ZNF804A: variants seen among roughly 807,000 people sequenced by gnomAD.
The protein encoded by ZNF804A is zinc finger protein 804A.
Under a neutral mutation model 16.5 loss-of-function variants are expected in ZNF804A, and 2 were observed. The ratio of observed to expected loss-of-function variants is 0.12; its 90% CI spans 0.05 to 0.38. The LOEUF (loss-of-function observed/expected upper bound fraction) is 0.38. Among genes scored for constraint, ZNF804A ranks in the 10% least tolerant of loss-of-function variants. The probability of loss-of-function intolerance (pLI) is 0.99; values close to 1 mark genes in which losing one functional copy is unlikely to be tolerated. For synonymous variants in ZNF804A, 534 were observed against 489.6 expected, an observed-to-expected ratio of 1.09 and a Z score of -1.20; for missense variants, 1,473 against 1,390.7, an observed-to-expected ratio of 1.06 and a Z score of -0.94.
At position 184,727,325 on chromosome 2, in the gene ZNF804A, T is replaced by C. The variant is rs372315996; in HGVS notation, c.111+128255T>C. Among the ~76,000 whole-genome samples, 75 of 151,748 alleles carry C rather than the reference T, an allele frequency of 4.9e-4. No homozygotes were observed. In the South Asian group the frequency reaches 7.9e-3, roughly 16 times the overall value. Reference sequence around the variant, plus strand: ...TAGTGGAAGCAATATGAAAGAATTGTCTGAGTACTAAAATTTAATCAAAGC... The same window carrying C: ...TAGTGGAAGCAATATGAAAGAATTGCCTGAGTACTAAAATTTAATCAAAGC... On this transcript the variant is annotated intron_variant, in intron 1 of 3. Coordinates refer to ENST00000302277, the MANE Select transcript of ZNF804A (RefSeq NM_194250.2).
At chr2:184,620,561 T>C (rs1691401566) in intron 1 of ZNF804A, among the ~76,000 whole-genome samples, 1 of 151,806 alleles carries the variant, frequency 6.6e-6, no homozygotes, top group Non-Finnish European at 1.5e-5. Context: ...CAGGATATGA[T>C]GATTCTCCCT....
In ZNF804A at chr2:184,936,325, C is replaced by A. The variant is rs1438894921; in HGVS notation, c.929C>A (p.Ser310Ter). 1.2e-6 allele frequency: 2 copies of A among 1,613,588 alleles called. No homozygotes were observed. The highest frequency in any genetic ancestry group is 1.7e-6 in the Non-Finnish European group (2 of 1,179,820). ...SSEKDALLLP[S>*]FCKFQLQLSS... ...GAAAAAGATGCATTATTATTACCTT[C>A]ATTTTGCAAGTTTCAACTTCAGTTA... Residue 310 changes from serine (S) to a stop codon, truncating the protein, a stop_gained, in exon 4 of 4, where the codon TCA becomes TAA. Transcript: ENST00000302277. LOFTEE classifies it low-confidence loss of function (END_TRUNC).
chr2:184,667,473 T>G (rs1012622797), intron 1 of ZNF804A, among the ~76,000 whole-genome samples: 1 of 151,882 alleles, frequency 6.6e-6, no homozygotes, highest in Non-Finnish European at 1.5e-5. Context: ...CTGGTATATT[T>G]CATCTGAAAT....
rs533873418 is a variant in ZNF804A at position 184,609,396 on chromosome 2, C to T, written c.111+10326C>T. The stretch of plus-strand genomic sequence containing the variant: ...CTGTTGAAGTGTTTTGACAGAGAGG[C>T]GTGATTACTGCTAGTGCACAGACTT... On this transcript the variant is annotated intron_variant, in intron 1 of 3. Coordinates refer to ENST00000302277, the MANE Select transcript of ZNF804A (RefSeq NM_194250.2). 1.3e-4 allele frequency among the ~76,000 whole-genome samples: 20 copies of T among 152,264 alleles called. No homozygotes were observed. The East Asian group carries it at 3.3e-3, about 25-fold the overall frequency.
Position 184,937,637 on chromosome 2 carries a change from C to T in ZNF804A, c.2241C>T (p.His747=). 6.2e-7 allele frequency: 1 copy of T among 1,613,872 alleles called. No homozygotes were observed. The highest frequency in any genetic ancestry group is 8.5e-7 in the Non-Finnish European group (1 of 1,179,942). ...TAGTTCTTCAAAATGATATGAAACA[C>T]ATGAGTCAGAATCAGGCTGTTAAAA... ...RSLVLQNDMK[H]MSQNQAVKRG... Residue 747 remains histidine (H), a synonymous_variant, in exon 4 of 4, where the codon CAC becomes CAT. Coordinates refer to ENST00000302277, the MANE Select transcript of ZNF804A (RefSeq NM_194250.2).
intron 2 of ZNF804A, chr2:184,902,372 C>T (rs1685201168): frequency 1.3e-5 from 2 of 154,312 alleles, no homozygotes; most frequent in Non-Finnish European, 2.9e-5. Flanking sequence ...ACTGGTTTCT[C>T]CTGGTGCTCT....
intron 2 of ZNF804A, among the ~76,000 whole-genome samples, chr2:184,915,690 G>A (rs1047145851): frequency 8.5e-5 from 13 of 152,060 alleles, no homozygotes; most frequent in African/African-American, 3.1e-4. Context: ...TTTTATATTA[G>A]AACTAGAATG....
rs192501888 is a variant in ZNF804A, at chr2:184,614,846, A to G, written c.111+15776A>G. On this transcript the variant is annotated intron_variant, in intron 1 of 3. Transcript: ENST00000302277. Reference sequence around the variant, plus strand: ...CAAAACCACAATGAGATACCATCTCATGCTAGTTAGAATGGCAATCATTAA... The same window carrying G: ...CAAAACCACAATGAGATACCATCTCGTGCTAGTTAGAATGGCAATCATTAA... Among the ~76,000 whole-genome samples the G allele has an allele frequency of 7.9e-5, 12 of 152,346 alleles. No individual in the cohort carries two copies. The East Asian group carries it at 2.1e-3, about 27-fold the overall frequency.
intron 1 of ZNF804A, among the ~76,000 whole-genome samples, chr2:184,863,688 C>G (rs1031723649): frequency 5.9e-5 from 9 of 152,092 alleles, no homozygotes; most frequent in African/African-American, 2.2e-4. Context: ...TTAAGATTGT[C>G]CAGAGAGCTA....
At chr2:184,858,573 C>G (rs955573700) in intron 1 of ZNF804A, among the ~76,000 whole-genome samples, 1 of 151,054 alleles carries the variant, frequency 6.6e-6, no homozygotes, top group Admixed American at 6.6e-5. Context: ...TTTCATTCCA[C>G]TCCATCTTGA....
chr2:184,634,594 G>A (rs753866675), intron 1 of ZNF804A, among the ~76,000 whole-genome samples: 1 of 152,034 alleles, frequency 6.6e-6, no homozygotes, highest in Non-Finnish European at 1.5e-5. Context: ...GGGAGAGAGA[G>A]ATTTGAAGAT....
At chr2:184,887,796 C>T (rs144991342) in intron 2 of ZNF804A, among the ~76,000 whole-genome samples, 1 of 152,240 alleles carries the variant, frequency 6.6e-6, no homozygotes, top group East Asian at 1.9e-4. Flanking sequence ...CTGGGAGATA[C>T]AATTCAAGTT....
chr2:184,599,037 G>T lies in ZNF804A; in HGVS notation c.78G>T (p.Arg26=). The T allele has an allele frequency of 6.2e-7, 1 of 1,614,028 alleles. No homozygotes were observed. The highest frequency in any genetic ancestry group is 1.1e-5 in the South Asian group (1 of 91,086). The change falls in exon 1 of 4, where the codon CGG becomes CGT. Residue 26 remains arginine, a synonymous_variant. Coordinates refer to ENST00000302277, the MANE Select transcript of ZNF804A (RefSeq NM_194250.2). ...GHFRNIKGVF[R]GPLSKNGNKT... The stretch of plus-strand genomic sequence containing the variant: ...TTCGCAACATCAAGGGAGTTTTCCG[G>T]GGCCCTCTCAGCAAGAACGGGAACA...
chr2:184,708,969 T>G (rs191861735), intron 1 of ZNF804A, among the ~76,000 whole-genome samples: 1 of 152,246 alleles, frequency 6.6e-6, no homozygotes, highest in Non-Finnish European at 1.5e-5. Context: ...TCCACGTGGC[T>G]GCTCTGTTCT....
intron 1 of ZNF804A, among the ~76,000 whole-genome samples, chr2:184,780,827 C>G (rs1458780635): frequency 2.0e-5 from 3 of 151,704 alleles, no homozygotes; most frequent in Non-Finnish European, 2.9e-5. Context: ...AGACTAGAGA[C>G]TTGCATTTCA....
At chr2:184,621,836 A>G (rs1574135300) in intron 1 of ZNF804A, among the ~76,000 whole-genome samples, 1 of 151,844 alleles carries the variant, frequency 6.6e-6, no homozygotes, top group Admixed American at 6.6e-5. Flanking sequence ...CCTTCTTAAT[A>G]GCATTATGCT....
chr2:184,911,207 C>T (rs1685351292), intron 2 of ZNF804A, among the ~76,000 whole-genome samples: 1 of 152,058 alleles, frequency 6.6e-6, no homozygotes, highest in Non-Finnish European at 1.5e-5. Flanking sequence ...GCTATCTCAG[C>T]ACTATTAATT....
intron 1 of ZNF804A, among the ~76,000 whole-genome samples, chr2:184,692,003 C>T (rs888941553): frequency 6.6e-6 from 1 of 152,056 alleles, no homozygotes; most frequent in Non-Finnish European, 1.5e-5. Context: ...ATGTTACTTT[C>T]TCTTAAAAGA....
Position 184,936,328 on chromosome 2 carries a change from T to G in ZNF804A, c.932T>G (p.Phe311Cys). The G allele has an allele frequency of 3.1e-6, 5 of 1,613,748 alleles. No individual in the cohort carries two copies. Among genetic ancestry groups the G allele is most frequent in the Non-Finnish European group, 4.2e-6 (5 of 1,179,834 alleles). The change falls in exon 4 of 4, where the codon TTT becomes TGT. Residue 311 changes from phenylalanine to cysteine, a missense_variant. Coordinates refer to ENST00000302277, the MANE Select transcript of ZNF804A (RefSeq NM_194250.2). ...AAAGATGCATTATTATTACCTTCAT[T>G]TTGCAAGTTTCAACTTCAGTTATCT... is the stretch of plus-strand genomic sequence containing the variant. ...SEKDALLLPSFCKFQLQLSSD... is the reference protein window; with the variant it reads ...SEKDALLLPSCCKFQLQLSSD...
Sources: allele counts gnomAD v4.1 joint callset (sites outside exome capture counted in the v4.1 genomes callset), GRCh38; gene constraint gnomAD v4.1.1; transcripts MANE v1.5; gene names NCBI Gene and HGNC (gene_info 2026-07-23, HGNC 2026-07-21).